The following XRCC5 variants were observed in gnomAD, a reference collection of about 807,000 sequenced individuals.
The protein encoded by XRCC5 is X-ray repair cross complementing 5.
In XRCC5, 12 loss-of-function variants were observed where a neutral mutation model predicts 95.7. The observed-to-expected ratio is 0.13, with a 90% CI of 0.08 to 0.20. The LOEUF is 0.20. Among genes scored for constraint, XRCC5 ranks in the 10% least tolerant of loss-of-function variants. XRCC5 has a pLI of 1.00. For synonymous variants in XRCC5, 281 were observed against 290.3 expected, an observed-to-expected ratio of 0.97 and a Z score of 0.33; for missense variants, 595 against 873.9, an observed-to-expected ratio of 0.68 and a Z score of 4.02.
At chr2:216,149,492 C>G (rs1422064224) in intron 14 of XRCC5, among the ~76,000 whole-genome samples, 7 of 152,198 alleles carry the variant, frequency 4.6e-5, no homozygotes, top group Admixed American at 4.6e-4. Context: ...CACTTTCCCC[C>G]TGCTATCCTT....
intron 5 of XRCC5, among the ~76,000 whole-genome samples, chr2:216,121,087 C>T (rs956421770): frequency 1.3e-5 from 2 of 152,172 alleles, no homozygotes; most frequent in East Asian, 1.9e-4. Context: ...TCTGATCTAA[C>T]GCAGAATAGA....
intron 19 of XRCC5, among the ~76,000 whole-genome samples, chr2:216,197,450 A>G (rs1285278642): frequency 1.5e-5 from 2 of 137,908 alleles, no homozygotes; most frequent in African/African-American, 6.5e-5. Flanking sequence ...TGTCCCAGGA[A>G]AAAAAAAAAA....
In XRCC5 at chr2:216,127,814, G is replaced by A. The variant is rs1451438834; in HGVS notation, c.937+140G>A. On this transcript the variant is annotated intron_variant, in intron 8 of 20. Coordinates refer to ENST00000392132, the MANE Select transcript of XRCC5 (RefSeq NM_021141.4). ...ATATAACAGTTTGAAAGGATAATGA[G>A]ACCCTAGGTCCTTTAGCTCATTTGT... is the stretch of plus-strand genomic sequence containing the variant. The A allele has an allele frequency of 4.1e-6, 4 of 965,906 alleles. No homozygotes were observed. The African/African-American group carries it at 6.7e-5, about 16-fold the overall frequency. 59.8% of individuals were successfully genotyped at this position (965,906 alleles called of 1,614,324 possible). A position where few individuals can be genotyped will look rare whatever the true frequency, so the allele number is the denominator to read the frequency against.
At chr2:216,143,957 G>T (rs570586475) in intron 13 of XRCC5, among the ~76,000 whole-genome samples, 1 of 151,762 alleles carries the variant, frequency 6.6e-6, no homozygotes, top group Admixed American at 6.6e-5. Flanking sequence ...CTTGTGATCC[G>T]CCCGCCTCGG....
rs1018122328 is a variant in XRCC5 at position 216,205,180 on chromosome 2, G to A, written c.2185-8G>A. The A allele has an allele frequency of 1.2e-5, 19 of 1,613,760 alleles. No individual in the cohort carries two copies. Among genetic ancestry groups the A allele is most frequent in the Non-Finnish European group, 1.6e-5 (19 of 1,179,808 alleles). ...ATTCCTTTCTAAGTGTGTTGTTCTTGTTCACAGTTGGACATGATATAGGTC... is the reference window on the plus strand; with the variant it reads ...ATTCCTTTCTAAGTGTGTTGTTCTTATTCACAGTTGGACATGATATAGGTC... On this transcript the variant is annotated splice_polypyrimidine_tract_variant and splice_region_variant and intron_variant, in intron 20 of 20. Transcript: ENST00000392132.
At chr2:216,176,498 T>C (rs1227168388) in intron 16 of XRCC5, among the ~76,000 whole-genome samples, 1 of 152,232 alleles carries the variant, frequency 6.6e-6, no homozygotes. Flanking sequence ...TATAAGAATT[T>C]GTTCCTTTTG....
chr2:216,122,313 A>T, intron 6 of XRCC5, 60 bp downstream of exon 6: 1 of 1,479,198 alleles, frequency 6.8e-7, no homozygotes, highest in Non-Finnish European at 9.1e-7. Flanking sequence ...TTCTCTTTTG[A>T]TTAGAGGTCT....
At chr2:216,111,932 A>G (rs904147643) in intron 1 of XRCC5, among the ~76,000 whole-genome samples, 7 of 152,232 alleles carry the variant, frequency 4.6e-5, no homozygotes, top group African/African-American at 1.7e-4. Context: ...TTTTTTCACC[A>G]GAAGACCCTT....
chr2:216,184,031 A>AGTGTGTGTGTGT, intron 16 of XRCC5, among the ~76,000 whole-genome samples: 1 of 90,236 alleles, frequency 1.1e-5, no homozygotes, highest in African/African-American at 4.5e-5. Flanking sequence ...ATAAGTCAGC[A>AGTGTGTGTGTGT]CTGTGTGTGT....
chr2:216,112,619 A>G (rs1696608657), intron 1 of XRCC5, among the ~76,000 whole-genome samples: 1 of 152,242 alleles, frequency 6.6e-6, no homozygotes, highest in Non-Finnish European at 1.5e-5. Flanking sequence ...ACTTACAGTG[A>G]AAGCATCTGT....
At chr2:216,121,605 A>G (rs1696813445) in intron 5 of XRCC5, among the ~76,000 whole-genome samples, 1 of 152,104 alleles carries the variant, frequency 6.6e-6, no homozygotes, top group Admixed American at 6.5e-5. Flanking sequence ...CACCCTCAGG[A>G]CTTCATTACC....
At chr2:216,168,161 C>T (rs1294389269) in intron 16 of XRCC5, among the ~76,000 whole-genome samples, 1 of 152,162 alleles carries the variant, frequency 6.6e-6, no homozygotes, top group Non-Finnish European at 1.5e-5. Context: ...CACCATTGGC[C>T]TTTAAGGTGT....
rs758591720 is a variant in XRCC5 at position 216,146,864 on chromosome 2, G to A, written c.1477-1219G>A. On this transcript the variant is annotated intron_variant, in intron 13 of 20. Coordinates refer to ENST00000392132, the MANE Select transcript of XRCC5 (RefSeq NM_021141.4). ...TCAACAACTAGAGCCCTGGAAAAGA[G>A]CACTTTATTCCTTCAGCTGTTATCG... Among the ~76,000 whole-genome samples, 9 of 152,202 alleles carry A rather than the reference G, an allele frequency of 5.9e-5. No individual in the cohort carries two copies. In the East Asian group the frequency reaches 9.6e-4, roughly 16 times the overall value.
chr2:216,127,042 A>G (rs1574456379), intron 7 of XRCC5, among the ~76,000 whole-genome samples: 3 of 152,068 alleles, frequency 2.0e-5, no homozygotes, highest in East Asian at 3.9e-4. Context: ...ACTTTAGGCC[A>G]GGAGTTCGAA....
At chr2:216,195,229 A>G (rs1365663938) in intron 19 of XRCC5, among the ~76,000 whole-genome samples, 2 of 152,154 alleles carry the variant, frequency 1.3e-5, no homozygotes, top group African/African-American at 4.8e-5. Context: ...CCCCTAGAGC[A>G]TGCTGTTGAA....
chr2:216,187,466 C>CTGTG (rs140171958), intron 16 of XRCC5, among the ~76,000 whole-genome samples: 4,564 of 111,102 alleles, frequency 0.041, 137 homozygotes, highest in East Asian at 0.11. Flanking sequence ...AAGATAGCAA[C>CTGTG]TGTGTGTGTG....
chr2:216,168,392 T>C (rs1266657306), intron 16 of XRCC5, among the ~76,000 whole-genome samples: 1 of 152,190 alleles, frequency 6.6e-6, no homozygotes, highest in Non-Finnish European at 1.5e-5. Context: ...CCAAATAATT[T>C]AGATGAAATC....
Position 216,130,359 on chromosome 2 carries a change from CTT to C in XRCC5, c.938-515_938-514del, listed in dbSNP as rs1559241321. On this transcript the variant is annotated intron_variant, in intron 8 of 20. Transcript: ENST00000392132. ...AATTTAAATATAGAAAAATATATAACTTATCAATTGAATGTTTCCAAACAGAA... is the reference window on the plus strand; with the variant it reads ...AATTTAAATATAGAAAAATATATAACATCAATTGAATGTTTCCAAACAGAA... 4.0e-5 allele frequency among the ~76,000 whole-genome samples: 6 copies of C among 150,480 alleles called. No individual in the cohort carries two copies. In the South Asian group the frequency reaches 1.2e-3, roughly 31 times the overall value.
chr2:216,195,127 C>A, intron 19 of XRCC5, 141 bp downstream of exon 19: 1 of 720,824 alleles, frequency 1.4e-6, no homozygotes, highest in Non-Finnish European at 2.3e-6. Context: ...GCTTCAACCA[C>A]AGCATCCCCA....
Sources: gnomAD v4.1 joint callset for allele counts (sites outside exome capture counted in the v4.1 genomes callset) on GRCh38, gnomAD v4.1.1 for gene constraint, MANE v1.5 for transcripts, NCBI Gene and HGNC (gene_info 2026-07-23, HGNC 2026-07-21) for gene names.